SCML2: variants seen among roughly 807,000 people sequenced by gnomAD.
SCML2 encodes Scm polycomb group protein like 2.
A neutral mutation model predicts 48.4 loss-of-function variants in SCML2; 6 were observed. The observed-to-expected ratio is 0.12, with a 90% CI of 0.07 to 0.24. The LOEUF is 0.24. Among genes scored for constraint, SCML2 ranks in the 10% least tolerant of loss-of-function variants. The pLI, the probability that SCML2 is intolerant of heterozygous loss-of-function variation, is 1.00. For missense variants in SCML2, 377 were observed against 528.2 expected (o/e 0.71, Z 2.81); for synonymous variants, 181 against 189.5 (o/e 0.95, Z 0.37).
chrX:18,347,789 A>AAAAAATC (rs1483780542), intron 1 of SCML2, among the ~76,000 whole-genome samples: 1 of 109,686 alleles, frequency 9.1e-6, no homozygotes, highest in African/African-American at 3.3e-5. Flanking sequence ...AATCTGTAAA[A>AAAAAATC]AAAAATCAAA....
Position 18,246,692 on chromosome X carries a change from G to T in SCML2, c.1707C>A (p.Val569=). ...CRNPMYIHTS[V]SQDFSRSVPG... Reference sequence around the variant, plus strand: ...GCACACTTCGAGAAAAATCCTGGGAGACTGAAGTATGAATATACATAGGAT... The same window carrying T: ...GCACACTTCGAGAAAAATCCTGGGATACTGAAGTATGAATATACATAGGAT... Residue 569 remains valine, a synonymous_variant, in exon 13 of 15, where the codon GTC becomes GTA. Transcript: ENST00000251900. The T allele has an allele frequency of 8.3e-7, 1 of 1,210,589 alleles. No homozygotes were observed. Among genetic ancestry groups the T allele is most frequent in the Non-Finnish European group, 1.1e-6 (1 of 894,583 alleles).
chrX:18,260,135 T>A, intron 9 of SCML2, 36 bp downstream of exon 9: 1 of 1,014,399 alleles, frequency 9.9e-7, no homozygotes, highest in Non-Finnish European at 1.3e-6. Flanking sequence ...GATAAAAGAT[T>A]AGTAATTCTA....
chrX:18,320,288 T>TA, intron 6 of SCML2, 44 bp downstream of exon 6: 3 of 822,293 alleles, frequency 3.6e-6, no homozygotes, highest in Non-Finnish European at 5.2e-6. Context: ...GCATTCCCAC[T>TA]AAAACAATAA....
At chrX:18,315,449 T>C (rs1929090380) in intron 6 of SCML2, among the ~76,000 whole-genome samples, 1 of 111,575 alleles carries the variant, frequency 9.0e-6, no homozygotes, top group African/African-American at 3.3e-5. Flanking sequence ...AAGATACACA[T>C]TTCTAGCGGC....
At chrX:18,348,805 A>C (rs1930281922) in intron 1 of SCML2, among the ~76,000 whole-genome samples, 1 of 112,112 alleles carries the variant, frequency 8.9e-6, no homozygotes, top group Non-Finnish European at 1.9e-5. Flanking sequence ...CATGTTTCCA[A>C]ATGTATTCAA....
chrX:18,246,914 A>C, intron 12 of SCML2, 86 bp from the exon 13 acceptor site: 1 of 949,756 alleles, frequency 1.1e-6, no homozygotes, highest in Non-Finnish European at 1.4e-6. Context: ...ATCCCTAGCA[A>C]TAGTTCACTT....
At chrX:18,333,916 T>G in intron 2 of SCML2, 134 bp downstream of exon 2, 1 of 485,401 alleles carries the variant, frequency 2.1e-6, no homozygotes, top group Non-Finnish European at 3.3e-6. Flanking sequence ...GTTCTAAAAT[T>G]CAAATTCTAA....
intron 11 of SCML2, among the ~76,000 whole-genome samples, chrX:18,254,120 A>G (rs1926757696): frequency 8.9e-6 from 1 of 112,055 alleles, no homozygotes; most frequent in African/African-American, 3.2e-5. Flanking sequence ...TAATCAAGCT[A>G]CATTCCATGT....
chrX:18,353,944 C>T (rs1475530286), intron 1 of SCML2, among the ~76,000 whole-genome samples: 1 of 112,851 alleles, frequency 8.9e-6, no homozygotes. Flanking sequence ...GCGAGGCCGC[C>T]TCTCCGCCCC....
chrX:18,244,680 T>C (rs1372838614), intron 13 of SCML2, among the ~76,000 whole-genome samples: 1 of 111,754 alleles, frequency 8.9e-6, no homozygotes, highest in African/African-American at 3.2e-5. Flanking sequence ...CTCTGTCTTA[T>C]ATACACTGGC....
At chrX:18,345,842 C>T (rs371003492) in intron 1 of SCML2, among the ~76,000 whole-genome samples, 26 of 109,762 alleles carry the variant, frequency 2.4e-4, no homozygotes, top group African/African-American at 7.6e-4. Flanking sequence ...CAGCACACCC[C>T]CTGCACACCC....
intron 14 of SCML2, 113 bp from the exon 15 acceptor site, chrX:18,241,492 ATGCTT>A: frequency 2.2e-6 from 1 of 451,368 alleles, no homozygotes; most frequent in Non-Finnish European, 3.4e-6. Context: ...TTCTCTGAAT[ATGCTT>A]TATTTCCTGA....
intron 5 of SCML2, among the ~76,000 whole-genome samples, chrX:18,322,957 G>GAT (rs1929368748): frequency 9.0e-6 from 1 of 111,329 alleles, no homozygotes; most frequent in African/African-American, 3.3e-5. Flanking sequence ...ACAGCATAAA[G>GAT]ATATATTACT....
chrX:18,267,651 T>A (rs1227549908), intron 7 of SCML2, among the ~76,000 whole-genome samples: 1 of 107,870 alleles, frequency 9.3e-6, no homozygotes, highest in Non-Finnish European at 1.9e-5. Context: ...AGTGGCGCGA[T>A]CTCAGCTCAC....
chrX:18,350,738 G>A (rs1405329026), intron 1 of SCML2, among the ~76,000 whole-genome samples: 2 of 111,007 alleles, frequency 1.8e-5, no homozygotes, highest in Non-Finnish European at 3.8e-5. Flanking sequence ...GCAAGACTCC[G>A]TATCAAAAAA....
At chrX:18,268,658 C>A (rs1436610850) in intron 7 of SCML2, among the ~76,000 whole-genome samples, 1 of 109,340 alleles carries the variant, frequency 9.1e-6, no homozygotes, top group Admixed American at 9.7e-5. Flanking sequence ...GGGAGATATA[C>A]CTAATGCTAG....
Position 18,261,606 on chromosome X carries a change from T to C in SCML2, c.949-1315A>G, listed in dbSNP as rs368993744. On this transcript the variant is annotated intron_variant, in intron 8 of 14. Coordinates refer to ENST00000251900, the MANE Select transcript of SCML2 (RefSeq NM_006089.3). Reference sequence around the variant, plus strand: ...TAAAATAATTTTTAAAAGATTAAAGTACCTGCCCCTTCTCCATCCCCATCA... The same window carrying C: ...TAAAATAATTTTTAAAAGATTAAAGCACCTGCCCCTTCTCCATCCCCATCA... Among the ~76,000 whole-genome samples the C allele has an allele frequency of 3.3e-3, 366 of 109,441 alleles. 23 individuals carry two copies. The highest frequency in any genetic ancestry group is 0.012 in the African/African-American group (349 of 28,669).
In SCML2 at chrX:18,246,565, T is replaced by C; in HGVS notation, c.1822+12A>G. The C allele has an allele frequency of 8.4e-7, 1 of 1,186,589 alleles. No individual in the cohort carries two copies. The highest frequency in any genetic ancestry group is 1.1e-6 in the Non-Finnish European group (1 of 882,906). On this transcript the variant is annotated intron_variant, in intron 13 of 14. Coordinates refer to ENST00000251900, the MANE Select transcript of SCML2 (RefSeq NM_006089.3). ...AGACAAACACATTGAGAGTCACTAT[T>C]TTTGAACATACCTTCACTTTTCCTC...
At chrX:18,347,431 G>A (rs1192394711) in intron 1 of SCML2, among the ~76,000 whole-genome samples, 1 of 105,016 alleles carries the variant, frequency 9.5e-6, no homozygotes, top group Non-Finnish European at 1.9e-5. Flanking sequence ...AGTGACAAGA[G>A]TAAAATTCCA....
Sources: allele counts gnomAD v4.1 joint callset (sites outside exome capture counted in the v4.1 genomes callset), GRCh38; gene constraint gnomAD v4.1.1; transcripts MANE v1.5; gene names NCBI Gene and HGNC (gene_info 2026-07-23, HGNC 2026-07-21).